KIAA1217: variants seen among roughly 807,000 people sequenced by gnomAD.
KIAA1217 encodes the protein KIAA1217, also known as sickle tail protein homolog.
A neutral mutation model predicts 163.9 loss-of-function variants in KIAA1217; 88 were observed. The observed-to-expected ratio is 0.54, with a 90% confidence interval of 0.45 to 0.64. The LOEUF (loss-of-function observed/expected upper bound fraction) is 0.64, where lower values mean the gene tolerates loss of function less well. KIAA1217 is among the 30% of genes least tolerant of loss of function. The pLI, the probability that KIAA1217 is intolerant of heterozygous loss-of-function variation, is 0.00. For missense variants in KIAA1217, 2,372 were observed against 2,475.0 expected (o/e 0.96, Z 0.88); for synonymous variants, 903 against 923.1 (o/e 0.98, Z 0.39).
At chr10:24,207,605 G>A (rs780569772), upstream of KIAA1217, among the ~76,000 whole-genome samples, 7 of 152,200 alleles carry the variant, frequency 4.6e-5, no homozygotes, top group African/African-American at 1.7e-4. Context: ...TATCTGCCCT[G>A]CAAATCCCAC....
Position 23,695,336 on chromosome 10 carries a change from C to G in KIAA1217, c.-321+102C>G, listed in dbSNP as rs1409905993. On this transcript the variant is annotated intron_variant, in intron 1 of 18. Transcript: ENST00000376462. The surrounding 1 kb of genome is among the most constrained non-coding windows in gnomAD (Gnocchi z 4.9). ...GATAAGGAAACCGAGGGGAGACTTA[C>G]AAGGGAGCCTTGCGCGGGAGAGCAA... The G allele has an allele frequency of 1.7e-4, 26 of 152,238 alleles. No homozygotes were observed. Among genetic ancestry groups the G allele is most frequent in the Admixed American group, 1.6e-3 (25 of 15,282 alleles). The allele number at this position is 152,238 out of a possible 1,614,324, so 9.4% of individuals were successfully genotyped here.
chr10:24,041,700 T>C (rs544047885), intron 2 of KIAA1217, among the ~76,000 whole-genome samples: 101 of 152,270 alleles, frequency 6.6e-4, no homozygotes, highest in Middle Eastern at 3.4e-3. Context: ...GGAGAAGTAA[T>C]TATGTAAGGT....
chr10:24,163,059 G>T (rs571094289), intron 2 of KIAA1217, among the ~76,000 whole-genome samples: 1 of 152,286 alleles, frequency 6.6e-6, no homozygotes, highest in African/African-American at 2.4e-5. Context: ...GACCAACTCT[G>T]GAACAATGTA....
chr10:23,838,706 C>G (rs906679710), intron 1 of KIAA1217, among the ~76,000 whole-genome samples: 1 of 152,184 alleles, frequency 6.6e-6, no homozygotes, highest in Non-Finnish European at 1.5e-5. Flanking sequence ...AATGATCCAC[C>G]CACCTGAGCC....
At chr10:24,521,734 C>T in intron 11 of KIAA1217, 48 bp from the exon 12 acceptor site, 3 of 1,587,282 alleles carry the variant, frequency 1.9e-6, no homozygotes, top group East Asian at 2.2e-5. Flanking sequence ...TGAGGGTTGT[C>T]GTTCTGGCTT....
intron 1 of KIAA1217, among the ~76,000 whole-genome samples, chr10:23,809,781 A>C (rs538102188): frequency 6.6e-6 from 1 of 152,182 alleles, no homozygotes; most frequent in South Asian, 2.1e-4. Context: ...AAAAAATTTA[A>C]TACCAAGGAA....
At chr10:24,462,734 T>C (rs1055152863) in intron 5 of KIAA1217, among the ~76,000 whole-genome samples, 1 of 152,194 alleles carries the variant, frequency 6.6e-6, no homozygotes, top group Non-Finnish European at 1.5e-5. Flanking sequence ...GGGTGGGGTA[T>C]GGTGAGCACG....
At chr10:23,899,407 T>G (rs1384132348) in intron 1 of KIAA1217, among the ~76,000 whole-genome samples, 1 of 152,144 alleles carries the variant, frequency 6.6e-6, no homozygotes. Flanking sequence ...TGCATTTTTC[T>G]GATTGCTAAT....
rs182014438 is a variant in KIAA1217 at position 23,921,718 on chromosome 10, G to A, written c.-320-85507G>A. Among the ~76,000 whole-genome samples the A allele has an allele frequency of 2.6e-3, 396 of 152,278 alleles. 3 individuals are homozygous for A. Among genetic ancestry groups the A allele is most frequent in the Non-Finnish European group, 3.9e-3 (262 of 68,026 alleles). ...GGTGCACCCCCCTGGCTGTTTGGTT[G>A]CAGGTTAGTGCCCATTGTCTTTTCA... is the stretch of plus-strand genomic sequence containing the variant. On this transcript the variant is annotated intron_variant, in intron 1 of 18. Coordinates refer to the KIAA1217 transcript ENST00000376462.
intron 2 of KIAA1217, among the ~76,000 whole-genome samples, chr10:24,296,648 T>C (rs2040650391): frequency 6.6e-6 from 1 of 152,174 alleles, no homozygotes; most frequent in Non-Finnish European, 1.5e-5. Flanking sequence ...CCTATGACCA[T>C]TTTGAGTCTT....
intron 2 of KIAA1217, among the ~76,000 whole-genome samples, chr10:24,109,303 T>A (rs925887876): frequency 2.2e-4 from 33 of 152,214 alleles, no homozygotes; most frequent in Admixed American, 1.8e-3. Flanking sequence ...GTGTTCCCAG[T>A]TGCCTTTTTT....
At chr10:24,392,604 C>T (rs569445756) in intron 3 of KIAA1217, among the ~76,000 whole-genome samples, 2 of 152,250 alleles carry the variant, frequency 1.3e-5, no homozygotes, top group East Asian at 3.9e-4. Context: ...TTGTTGAAGA[C>T]TTGAATGGCA....
intron 1 of KIAA1217, among the ~76,000 whole-genome samples, chr10:23,716,232 A>G (rs989504204): frequency 5.3e-5 from 8 of 152,180 alleles, no homozygotes; most frequent in African/African-American, 1.9e-4. Flanking sequence ...CTCTTTATGA[A>G]ATAAATGAAC....
chr10:24,360,121 A>T (rs1591301924), intron 2 of KIAA1217, among the ~76,000 whole-genome samples: 1 of 132,828 alleles, frequency 7.5e-6, no homozygotes, highest in East Asian at 2.3e-4. Context: ...ATCTGGGATC[A>T]CTGCAACCTC....
chr10:23,856,193 C>A (rs533114249), intron 1 of KIAA1217, among the ~76,000 whole-genome samples: 7 of 152,094 alleles, frequency 4.6e-5, no homozygotes, highest in African/African-American at 2.4e-5. Flanking sequence ...GTTTTTGGTG[C>A]GGATGTCCTT....
intron 5 of KIAA1217, among the ~76,000 whole-genome samples, chr10:24,466,308 GT>G (rs2062941174): frequency 6.6e-6 from 1 of 152,008 alleles, no homozygotes; most frequent in Non-Finnish European, 1.5e-5. Flanking sequence ...TAATGATCCT[GT>G]TTGCCTTCAG....
At chr10:24,186,845 G>A (rs937165730) in intron 2 of KIAA1217, among the ~76,000 whole-genome samples, 4 of 152,072 alleles carry the variant, frequency 2.6e-5, no homozygotes, top group Non-Finnish European at 4.4e-5. Flanking sequence ...GGCCAAGACG[G>A]TGGCACTGCA....
intron 2 of KIAA1217, among the ~76,000 whole-genome samples, chr10:24,177,215 G>A (rs147940671): frequency 0.018 from 2,631 of 144,590 alleles, 27 homozygotes; most frequent in Middle Eastern, 0.062. Flanking sequence ...AGGAGGCACC[G>A]AAAGCGAGCG....
chr10:24,164,193 C>G (rs77972805), intron 2 of KIAA1217, among the ~76,000 whole-genome samples: 2,230 of 152,224 alleles, frequency 0.015, 58 homozygotes, highest in African/African-American at 0.051. Context: ...AATAGGAAAG[C>G]CACCCAGTTG....
Sources: gnomAD v4.1 joint callset for allele counts (sites outside exome capture counted in the v4.1 genomes callset) on GRCh38, gnomAD v4.1.1 for gene constraint, Gnocchi (gnomAD v3.1) non-coding constraint, MANE v1.5 for transcripts, NCBI Gene and HGNC (gene_info 2026-07-23, HGNC 2026-07-21) for gene names.